SLC5A4: variants seen among roughly 807,000 people sequenced by gnomAD.
SLC5A4 encodes the protein solute carrier family 5 member 4.
In SLC5A4, 55 loss-of-function variants were observed where a neutral mutation model predicts 70.3. That is an observed-to-expected ratio of 0.78 (90% confidence interval 0.63 to 0.98). The LOEUF (loss-of-function observed/expected upper bound fraction) is 0.98. SLC5A4 is among the 50% of genes least tolerant of loss of function. SLC5A4 has a pLI of 0.00. For synonymous variants in SLC5A4, 268 were observed against 305.7 expected (o/e 0.88, Z 1.29); for missense variants, 735 against 839.2 (o/e 0.88, Z 1.53).
At chr22:32,330,681 T>TCC in the SLC5A4 span, among the ~76,000 whole-genome samples, 1 of 76,698 alleles carries the variant, frequency 1.3e-5, no homozygotes, top group Non-Finnish European at 2.3e-5. Context: ...TAGGGGGCTC[T>TCC]GGTGTGTGTG....
At chr22:32,287,442 T>C in the SLC5A4 span, among the ~76,000 whole-genome samples, 1 of 148,438 alleles carries the variant, frequency 6.7e-6, no homozygotes, top group Non-Finnish European at 1.5e-5. Context: ...TACCCCTACC[T>C]GTCTTCATTC....
the SLC5A4 span, among the ~76,000 whole-genome samples, chr22:32,354,043 A>C: frequency 2.2e-5 from 3 of 137,810 alleles, no homozygotes; most frequent in Non-Finnish European, 3.2e-5. Context: ...CCGATAGCGC[A>C]CCCAACCCGC....
intron 4 of SLC5A4, 35 bp downstream of exon 4, chr22:32,248,708 A>G (rs774671139): frequency 7.0e-7 from 1 of 1,428,734 alleles, no homozygotes; most frequent in Non-Finnish European, 9.9e-7. Flanking sequence ...CAGTGCCTAG[A>G]ACTGAACTCT....
At chr22:32,304,140 C>CT in the SLC5A4 span, among the ~76,000 whole-genome samples, 15 of 151,654 alleles carry the variant, frequency 9.9e-5, no homozygotes, top group Admixed American at 1.3e-4. Flanking sequence ...CTTTTCCTTT[C>CT]TTTTTTTTGA....
chr22:32,312,023 G>T, the SLC5A4 span, among the ~76,000 whole-genome samples: 1 of 152,044 alleles, frequency 6.6e-6, no homozygotes, highest in Non-Finnish European at 1.5e-5. Context: ...TTCTGCAGGG[G>T]GTTAATCATA....
chr22:32,246,929 G>C (rs1926864884), intron 5 of SLC5A4, among the ~76,000 whole-genome samples: 1 of 152,186 alleles, frequency 6.6e-6, no homozygotes, highest in South Asian at 2.1e-4. Flanking sequence ...TAGATAGAGT[G>C]AACTTAAGAA....
chr22:32,255,341 G>A lies in SLC5A4; in HGVS notation c.-12C>T, dbSNP rs766933263. The A allele has an allele frequency of 8.7e-6, 14 of 1,613,376 alleles. No individual in the cohort carries two copies. Among genetic ancestry groups the A allele is most frequent in the East Asian group, 2.2e-5 (1 of 44,882 alleles). On this transcript the variant is annotated 5_prime_UTR_variant, in exon 1 of 15. Transcript: ENST00000266086. Reference sequence around the variant, plus strand: ...ACCGTACTGGCCATGGCTGCAGGCAGTGCTATACCCATTCCACGCATGAGC... The same window carrying A: ...ACCGTACTGGCCATGGCTGCAGGCAATGCTATACCCATTCCACGCATGAGC...
the SLC5A4 span, among the ~76,000 whole-genome samples, chr22:32,308,452 G>A: frequency 0.028 from 4,208 of 147,974 alleles, 163 homozygotes; most frequent in African/African-American, 0.096. Context: ...CCTGGACAGC[G>A]GCCTGTGGGG....
intron 8 of SLC5A4, 135 bp downstream of exon 8, chr22:32,234,738 G>A: frequency 1.4e-6 from 1 of 724,646 alleles, no homozygotes; most frequent in African/African-American, 1.8e-5. Flanking sequence ...AGAAGGGTTT[G>A]ACTCTTTAAA....
rs770778449 is a variant in SLC5A4, at chr22:32,229,277, G to A, written c.1197C>T (p.Asn399=). ...SLMSSLTSIF[N]SASTLFTIDL... is the part of the protein sequence containing the mutation. ...CAATGGTGAAGAGGGTGCTGGCGCT[G>A]TTGAAGATGGAGGTCAGGGAGCTCA... is the stretch of plus-strand genomic sequence containing the variant. The change falls in exon 11 of 15, where the codon AAC becomes AAT. Residue 399 remains asparagine (N), a synonymous_variant. Transcript: ENST00000266086. The A allele has an allele frequency of 5.6e-6, 9 of 1,614,066 alleles. No individual in the cohort carries two copies. Among genetic ancestry groups the A allele is most frequent in the African/African-American group, 2.7e-5 (2 of 74,942 alleles).
At chr22:32,299,313 T>G in the SLC5A4 span, among the ~76,000 whole-genome samples, 2 of 151,252 alleles carry the variant, frequency 1.3e-5, no homozygotes, top group African/African-American at 4.9e-5. Context: ...AAATTTGGTC[T>G]TTTCACATAG....
intron 9 of SLC5A4, 85 bp from the exon 10 acceptor site, chr22:32,231,160 C>T (rs1330227398): frequency 1.2e-6 from 1 of 806,536 alleles, no homozygotes; most frequent in East Asian, 2.6e-5. Context: ...GTTGAAAGAT[C>T]ATAAGGAAGG....
At chr22:32,265,230 G>GT in the SLC5A4 span, among the ~76,000 whole-genome samples, 1 of 151,972 alleles carries the variant, frequency 6.6e-6, no homozygotes, top group Admixed American at 6.6e-5. Flanking sequence ...CTACAAAATA[G>GT]TTAAAAAATT....
the SLC5A4 span, chr22:32,277,316 A>C: frequency 6.6e-6 from 1 of 152,198 alleles, no homozygotes. Context: ...GTGATCTTTT[A>C]ATAAAACTCA....
chr22:32,330,463 G>T, the SLC5A4 span, among the ~76,000 whole-genome samples: 1 of 138,322 alleles, frequency 7.2e-6, no homozygotes, highest in Non-Finnish European at 1.5e-5. Flanking sequence ...GGGTGTGTGT[G>T]TGTGTGTGTT....
the SLC5A4 span, among the ~76,000 whole-genome samples, chr22:32,333,488 C>T: frequency 6.6e-5 from 10 of 152,246 alleles, no homozygotes; most frequent in Admixed American, 6.5e-5. Context: ...GGGGCCCAGA[C>T]TTAGCCCATG....
rs200221311 is a variant in SLC5A4, at chr22:32,229,176, G to T, written c.1280+18C>A. The T allele has an allele frequency of 6.2e-7, 1 of 1,611,148 alleles. No homozygotes were observed. Among genetic ancestry groups the T allele is most frequent in the East Asian group, 2.2e-5 (1 of 44,832 alleles). ...TACTTCTCCAGAGGATTCTAGGTGG[G>T]AACCAGGGTTCACTCACCGTCCAGC... On this transcript the variant is annotated intron_variant, in intron 11 of 14. Transcript: ENST00000266086.
the SLC5A4 span, chr22:32,343,034 T>C: frequency 6.6e-6 from 1 of 151,882 alleles, no homozygotes; most frequent in African/African-American, 2.4e-5. Flanking sequence ...TGAATACTTC[T>C]GTAATCCTAA....
the SLC5A4 span, among the ~76,000 whole-genome samples, chr22:32,327,890 C>A: frequency 6.6e-6 from 1 of 152,196 alleles, no homozygotes; most frequent in Non-Finnish European, 1.5e-5. Context: ...GGATGGGGCA[C>A]CTCGGGCATG....
Sources: gnomAD v4.1 joint callset for allele counts (sites outside exome capture counted in the v4.1 genomes callset) on GRCh38, gnomAD v4.1.1 for gene constraint, MANE v1.5 for transcripts, NCBI Gene and HGNC (gene_info 2026-07-23, HGNC 2026-07-21) for gene names.